PRSS21: variants seen among roughly 807,000 people sequenced by gnomAD.
PRSS21 encodes the protein serine protease 21.
Under a neutral mutation model 31.1 loss-of-function variants are expected in PRSS21, and 40 were observed. The observed-to-expected ratio is 1.29, with a 90% CI of 1.00 to 1.68. The LOEUF (loss-of-function observed/expected upper bound fraction) is 1.68. Ranked by LOEUF, PRSS21 falls within the 40% of genes most tolerant of loss-of-function variation. PRSS21 has a pLI of 0.00. For missense variants in PRSS21, 467 were observed against 412.6 expected (o/e 1.13, Z -1.14); for synonymous variants, 186 against 167.7 (o/e 1.11, Z -0.84).
intron 3 of PRSS21, among the ~76,000 whole-genome samples, 197 bp downstream of exon 3, chr16:2,818,163 G>A (rs1055236481): frequency 3.9e-5 from 6 of 152,180 alleles, no homozygotes; most frequent in African/African-American, 1.4e-4. Flanking sequence ...GTCTCCTGGA[G>A]GGAACCCTGT....
chr16:2,820,961 C>T lies in PRSS21; in HGVS notation c.557C>T (p.Pro186Leu). The change falls in exon 5 of 6, where the codon CCA (proline) becomes CTA (leucine). Residue 186 changes from proline to leucine, a missense_variant. Transcript: ENST00000005995. Reference protein sequence around the residue: ...WGYIKEDEALPSPHTLQEVQV... With the variant: ...WGYIKEDEALLSPHTLQEVQV... The stretch of plus-strand genomic sequence containing the variant: ...CCCACTATCGTCCGCACAGCACTGC[C>T]ATCTCCCCACACCCTCCAGGAAGTT... The T allele has an allele frequency of 2.5e-6, 4 of 1,613,578 alleles. No individual in the cohort carries two copies. The highest frequency in any genetic ancestry group is 3.4e-6 in the Non-Finnish European group (4 of 1,179,936).
chr16:2,819,452 C>G (rs1741203607), intron 4 of PRSS21, among the ~76,000 whole-genome samples: 1 of 152,232 alleles, frequency 6.6e-6, no homozygotes, highest in Non-Finnish European at 1.5e-5. Context: ...CTGGGGGTTC[C>G]TCTGGTGGGC....
rs954483620 is a variant in PRSS21 at position 2,817,267 on chromosome 16, C to A, written c.-2C>A. 1.3e-6 allele frequency: 2 copies of A among 1,530,938 alleles called. No individual in the cohort carries two copies. The highest frequency in any genetic ancestry group is 8.7e-7 in the Non-Finnish European group (1 of 1,143,134). The allele number at this position is 1,530,938 out of a possible 1,614,324, so 94.8% of individuals were successfully genotyped here. On this transcript the variant is annotated 5_prime_UTR_variant, in exon 1 of 6. Coordinates refer to ENST00000005995, the MANE Select transcript of PRSS21 (RefSeq NM_006799.4). This position sits in a 1 kb window ranked among gnomAD's most constrained non-coding sequence, Gnocchi z 4.2. ...GGGCGTCAGGCCGCGGGAGAGGAGG[C>A]CATGGGCGCGCGCGGGGCGCTGCTG...
In PRSS21 at chr16:2,821,046, C is replaced by T. The variant is rs370409274; in HGVS notation, c.642C>T (p.Arg214=). ...CNHLFLKYSF[R]KDIFGDMVCA... is the part of the protein sequence containing the mutation. Reference sequence around the variant, plus strand: ...ACCTCTTCCTCAAGTACAGTTTCCGCAAGGACATCTTTGGAGACATGGTTT... The same window carrying T: ...ACCTCTTCCTCAAGTACAGTTTCCGTAAGGACATCTTTGGAGACATGGTTT... Residue 214 remains arginine, a synonymous_variant, in exon 5 of 6, where the codon CGC becomes CGT. Transcript: ENST00000005995. 8 of 1,614,048 alleles carry T rather than the reference C, an allele frequency of 5.0e-6. No homozygotes were observed. The East Asian group carries it at 6.7e-5, about 13-fold the overall frequency.
In PRSS21 at chr16:2,817,831, G is replaced by T; in HGVS notation, c.122G>T (p.Arg41Leu). The change falls in exon 3 of 6, where the codon CGC (arginine) becomes CTC (leucine). Residue 41 changes from arginine (R) to leucine (L), a missense_variant. By Grantham distance (102) the Arg-to-Leu change is moderately radical (BLOSUM62 -2). Transcript: ENST00000005995. The surrounding 1 kb of genome is among the most constrained non-coding windows in gnomAD (Gnocchi z 4.2). ...GPCGRRVITS[R>L]IVGGEDAELG... Reference sequence around the variant, plus strand: ...TGCGGCCGACGGGTCATCACGTCGCGCATCGTGGGTGGAGAGGACGCCGAA... The same window carrying T: ...TGCGGCCGACGGGTCATCACGTCGCTCATCGTGGGTGGAGAGGACGCCGAA... 2 of 1,550,936 alleles carry T rather than the reference G, an allele frequency of 1.3e-6. No individual in the cohort carries two copies. The highest frequency in any genetic ancestry group is 1.7e-6 in the Non-Finnish European group (2 of 1,147,420).
rs1051909458 is a variant in PRSS21, at chr16:2,817,374, G to T, written c.64+42G>T. Reference sequence around the variant, plus strand: ...GCTGGCGGGATGGGGAGGCGGGGGAGCGGTGGGGAGGACGGGAGGTGGAGG... The same window carrying T: ...GCTGGCGGGATGGGGAGGCGGGGGATCGGTGGGGAGGACGGGAGGTGGAGG... On this transcript the variant is annotated intron_variant, in intron 1 of 5. Transcript: ENST00000005995. The surrounding 1 kb of genome is among the most constrained non-coding windows in gnomAD (Gnocchi z 4.2). The T allele has an allele frequency of 6.3e-7, 1 of 1,581,002 alleles. No homozygotes were observed.
At chr16:2,818,483 C>T (rs775590689) in intron 3 of PRSS21, among the ~76,000 whole-genome samples, 194 bp from the exon 4 acceptor site, 20 of 152,172 alleles carry the variant, frequency 1.3e-4, no homozygotes, top group Non-Finnish European at 2.6e-4. Flanking sequence ...GACAAGACCC[C>T]ACCCTTCTGC....
At chr16:2,820,013 G>A (rs1393911324) in intron 4 of PRSS21, among the ~76,000 whole-genome samples, 1 of 151,900 alleles carries the variant, frequency 6.6e-6, no homozygotes, top group African/African-American at 2.4e-5. Flanking sequence ...GGCTGCCTCT[G>A]CCACCCTCTC....
chr16:2,817,539 T>G lies in PRSS21; in HGVS notation c.91+83T>G. ...GGCGGTGAGGGGGTAGAGGGGGGCC[T>G]TTACTGCTCTCTCGCCCCCGCCCCC... On this transcript the variant is annotated intron_variant, in intron 2 of 5. Transcript: ENST00000005995. This position sits in a 1 kb window ranked among gnomAD's most constrained non-coding sequence, Gnocchi z 4.2. 2 of 1,387,714 alleles carry G rather than the reference T, an allele frequency of 1.4e-6. No individual in the cohort carries two copies. The highest frequency in any genetic ancestry group is 1.9e-6 in the Non-Finnish European group (2 of 1,039,768). The allele number at this position is 1,387,714 out of a possible 1,614,324, so 86.0% of individuals were successfully genotyped here.
intron 4 of PRSS21, among the ~76,000 whole-genome samples, chr16:2,819,188 G>C (rs564841849): frequency 6.6e-6 from 1 of 152,148 alleles, no homozygotes; most frequent in East Asian, 1.9e-4. Context: ...CCAGTTTGGC[G>C]CAGGCCTGTG....
Position 2,821,009 on chromosome 16 carries a change from C to G in PRSS21, c.605C>G (p.Ser202Cys). The part of the protein sequence containing the change: ...QEVQVAIINN[S>C]MCNHLFLKYS... ...GTTCAGGTCGCCATCATAAACAACT[C>G]TATGTGCAACCACCTCTTCCTCAAG... The change falls in exon 5 of 6, where the codon TCT becomes TGT. Residue 202 changes from serine (S) to cysteine (C), a missense_variant. Physicochemically the swap from Ser to Cys is moderately radical, Grantham distance 112. Transcript: ENST00000005995. 1 of 1,614,132 alleles carries G rather than the reference C, an allele frequency of 6.2e-7. No homozygotes were observed. Among genetic ancestry groups the G allele is most frequent in the East Asian group, 2.2e-5 (1 of 44,888 alleles).
rs944586857 is a variant in PRSS21 at position 2,817,853 on chromosome 16, C to T, written c.144C>T (p.Ala48=). Residue 48 remains alanine (A), a synonymous_variant, in exon 3 of 6, where the codon GCC becomes GCT. Coordinates refer to ENST00000005995, the MANE Select transcript of PRSS21 (RefSeq NM_006799.4). This position sits in a 1 kb window ranked among gnomAD's most constrained non-coding sequence, Gnocchi z 4.2. ...ITSRIVGGED[A]ELGRWPWQGS... ...CGCGCATCGTGGGTGGAGAGGACGC[C>T]GAACTCGGGCGTTGGCCGTGGCAGG... 1 of 1,550,590 alleles carries T rather than the reference C, an allele frequency of 6.4e-7. No individual in the cohort carries two copies. Among genetic ancestry groups the T allele is most frequent in the East Asian group, 2.4e-5 (1 of 40,994 alleles).
At chr16:2,819,115 C>G in intron 4 of PRSS21, 146 bp downstream of exon 4, 1 of 936,648 alleles carries the variant, frequency 1.1e-6, no homozygotes. Flanking sequence ...GGGCAGGGAC[C>G]AAACACCCAG....
chr16:2,820,742 G>T (rs926115772), intron 4 of PRSS21, among the ~76,000 whole-genome samples: 5 of 152,194 alleles, frequency 3.3e-5, no homozygotes, highest in Non-Finnish European at 5.9e-5. Context: ...GTGCGGCTGG[G>T]GGAGCTCTGA....
rs150415800 is a variant in PRSS21, at chr16:2,821,466, G to A, written c.806G>A (p.Gly269Asp). 6.2e-7 allele frequency: 1 copy of A among 1,614,096 alleles called. No homozygotes were observed. The highest frequency in any genetic ancestry group is 1.3e-5 in the African/African-American group (1 of 74,934). Residue 269 changes from glycine (G) to aspartate (D), a missense_variant, in exon 6 of 6, where the codon GGT becomes GAT. Coordinates refer to ENST00000005995, the MANE Select transcript of PRSS21 (RefSeq NM_006799.4). ...GVGCGRPNRP[G>D]VYTNISHHFE... The stretch of plus-strand genomic sequence containing the variant: ...GGCTGTGGTCGGCCCAATCGGCCCG[G>A]TGTCTACACCAATATCAGCCACCAC...
chr16:2,821,518 C>G lies in PRSS21; in HGVS notation c.858C>G (p.Ala286=). 1 of 1,614,232 alleles carries G rather than the reference C, an allele frequency of 6.2e-7. No homozygotes were observed. Among genetic ancestry groups the G allele is most frequent in the Non-Finnish European group, 8.5e-7 (1 of 1,180,028 alleles). ...TTGAGTGGATCCAGAAGCTGATGGC[C>G]CAGAGTGGCATGTCCCAGCCAGACC... The part of the protein sequence containing the change: ...HHFEWIQKLM[A]QSGMSQPDPS... The change falls in exon 6 of 6, where the codon GCC becomes GCG. Residue 286 remains alanine (A), a synonymous_variant. Coordinates refer to ENST00000005995, the MANE Select transcript of PRSS21 (RefSeq NM_006799.4).
Position 2,821,390 on chromosome 16 carries a change from T to G in PRSS21, c.730T>G (p.Cys244Gly). ...CFGDSGGPLA[C>G]NKNGLWYQIG... is the part of the protein sequence containing the mutation. ...GGGTGACTCAGGTGGACCCTTGGCC[T>G]GTAACAAGAATGGACTGTGGTATCA... Residue 244 changes from cysteine to glycine, a missense_variant, in exon 6 of 6, where the codon TGT becomes GGT. Coordinates refer to ENST00000005995, the MANE Select transcript of PRSS21 (RefSeq NM_006799.4). 4 of 1,614,184 alleles carry G rather than the reference T, an allele frequency of 2.5e-6. No homozygotes were observed. Among genetic ancestry groups the G allele is most frequent in the Non-Finnish European group, 3.4e-6 (4 of 1,180,018 alleles).
At chr16:2,820,903 A>G (rs970311329) in intron 4 of PRSS21, 52 bp from the exon 5 acceptor site, 5 of 1,585,472 alleles carry the variant, frequency 3.2e-6, no homozygotes, top group Non-Finnish European at 4.3e-6. Flanking sequence ...CCATCCCTCC[A>G]TAGAGGGGCC....
chr16:2,817,837 T>A lies in PRSS21; in HGVS notation c.128T>A (p.Val43Glu). The part of the protein sequence containing the change: ...CGRRVITSRI[V>E]GGEDAELGRW... ...CGACGGGTCATCACGTCGCGCATCG[T>A]GGGTGGAGAGGACGCCGAACTCGGG... The change falls in exon 3 of 6, where the codon GTG becomes GAG. Residue 43 changes from valine to glutamate, a missense_variant. By Grantham distance (121) the Val-to-Glu change is moderately radical. Transcript: ENST00000005995. The surrounding 1 kb of genome is among the most constrained non-coding windows in gnomAD (Gnocchi z 4.2). The A allele has an allele frequency of 6.4e-7, 1 of 1,551,086 alleles. No individual in the cohort carries two copies.
Sources: allele counts gnomAD v4.1 joint callset (sites outside exome capture counted in the v4.1 genomes callset), GRCh38; gene constraint gnomAD v4.1.1; non-coding constraint Gnocchi (gnomAD v3.1); transcripts MANE v1.5; gene names NCBI Gene and HGNC (gene_info 2026-07-23, HGNC 2026-07-21).